The following VPS16 variants were observed in gnomAD, a reference collection of about 807,000 sequenced individuals.
VPS16 encodes VPS16 core subunit of CORVET and HOPS complexes.
Under a neutral mutation model 116.0 loss-of-function variants are expected in VPS16, and 82 were observed. The observed-to-expected ratio is 0.71, with a 90% confidence interval of 0.59 to 0.85. The LOEUF (loss-of-function observed/expected upper bound fraction) is 0.85, where lower values mean the gene tolerates loss of function less well. Among genes scored for constraint, VPS16 ranks in the 40% least tolerant of loss-of-function variants. The pLI is 0.00. For missense variants in VPS16, 928 were observed against 1,090.6 expected (o/e 0.85, Z 2.10); for synonymous variants, 406 against 420.7 (o/e 0.96, Z 0.43).
intron 1 of VPS16, among the ~76,000 whole-genome samples, chr20:2,850,452 C>A (rs2089106907): frequency 6.6e-6 from 1 of 151,962 alleles, no homozygotes. Context: ...GTGGTGAAAC[C>A]CCATCTCTGA....
intron 1 of VPS16, among the ~76,000 whole-genome samples, chr20:2,854,583 C>G (rs1310065754): frequency 6.6e-6 from 1 of 152,008 alleles, no homozygotes; most frequent in Non-Finnish European, 1.5e-5. Flanking sequence ...CACTTGAGGT[C>G]AGGAGTTCGA....
At chr20:2,844,624 T>C (rs1290048770) in intron 1 of VPS16, among the ~76,000 whole-genome samples, 1 of 152,112 alleles carries the variant, frequency 6.6e-6, no homozygotes, top group Non-Finnish European at 1.5e-5. Flanking sequence ...ATAATCACTA[T>C]AAAGAGAGGT....
Position 2,846,789 on chromosome 20 carries a change from GTT to G in VPS16, c.53+5963_53+5964del, listed in dbSNP as rs546057277. Among the ~76,000 whole-genome samples the G allele has an allele frequency of 5.5e-4, 84 of 152,304 alleles. No homozygotes were observed. The South Asian group carries it at 0.014, about 26-fold the overall frequency. The stretch of plus-strand genomic sequence containing the variant: ...CCCAGTAGACCATGCTTCTCCAGCA[GTT>G]CAGCTGCCCTGCCACAGAAATTTCT... On this transcript the variant is annotated intron_variant, in intron 1 of 23. Coordinates refer to ENST00000380445, the MANE Select transcript of VPS16 (RefSeq NM_022575.4).
chr20:2,863,139 G>A lies in VPS16; in HGVS notation c.1367+39G>A, dbSNP rs200069917. On this transcript the variant is annotated intron_variant, in intron 14 of 23. Transcript: ENST00000380445. The surrounding 1 kb of genome is among the most constrained non-coding windows in gnomAD (Gnocchi z 4.4). ...AAGGGTGCAGTGAGCGGGCTGTCAG[G>A]GGGGTGGGCATTACAGCCTTGGGTG... The A allele has an allele frequency of 1.2e-6, 2 of 1,613,474 alleles. No homozygotes were observed. Among genetic ancestry groups the A allele is most frequent in the Non-Finnish European group, 1.7e-6 (2 of 1,179,904 alleles).
At chr20:2,845,561 T>A (rs1289510311) in intron 1 of VPS16, among the ~76,000 whole-genome samples, 1 of 151,832 alleles carries the variant, frequency 6.6e-6, no homozygotes, top group African/African-American at 2.4e-5. Flanking sequence ...GGCACGCACA[T>A]GTAATCCCAG....
At chr20:2,845,475 T>A (rs1260540826) in intron 1 of VPS16, among the ~76,000 whole-genome samples, 5 of 152,134 alleles carry the variant, frequency 3.3e-5, no homozygotes, top group Non-Finnish European at 2.9e-5. Context: ...ATTTAAGTAG[T>A]TATATTTTTG....
intron 10 of VPS16, 41 bp downstream of exon 10, chr20:2,861,940 A>C (rs759722427): frequency 5.0e-5 from 80 of 1,607,238 alleles, no homozygotes; most frequent in Non-Finnish European, 6.7e-5. Flanking sequence ...CAAGGTGGGG[A>C]CTCCTCGGCA....
chr20:2,843,581 A>G lies in VPS16; in HGVS notation c.53+2754A>G, dbSNP rs1482007494. On this transcript the variant is annotated intron_variant, in intron 1 of 23. Transcript: ENST00000380445. ...GCTGACCAAGGTAGCCATGTCATTT[A>G]GTATTTACACACCAGCTAGTTGATA... Among the ~76,000 whole-genome samples, 3 of 152,382 alleles carry G rather than the reference A, an allele frequency of 2.0e-5. No individual in the cohort carries two copies. The East Asian group carries it at 5.8e-4, about 29-fold the overall frequency.
rs1340556720 is a variant in VPS16 at position 2,864,303 on chromosome 20, G to T, written c.1720+16G>T. 5 of 1,613,926 alleles carry T rather than the reference G, an allele frequency of 3.1e-6. No homozygotes were observed. The highest frequency in any genetic ancestry group is 3.3e-5 in the Admixed American group (2 of 59,986). Reference sequence around the variant, plus strand: ...ACTGACCTGGGTGAGGGCAAGGCTGGGGGGCCCCTGGGCTAAGTGGGAGCC... The same window carrying T: ...ACTGACCTGGGTGAGGGCAAGGCTGTGGGGCCCCTGGGCTAAGTGGGAGCC... On this transcript the variant is annotated intron_variant, in intron 17 of 23. Transcript: ENST00000380445. The surrounding 1 kb of genome is among the most constrained non-coding windows in gnomAD (Gnocchi z 5.2).
In VPS16 at chr20:2,850,667, A is replaced by T. The variant is rs542291717; in HGVS notation, c.54-9052A>T. On this transcript the variant is annotated intron_variant, in intron 1 of 23. Coordinates refer to ENST00000380445, the MANE Select transcript of VPS16 (RefSeq NM_022575.4). The stretch of plus-strand genomic sequence containing the variant: ...AAAAGAAAAAAATTATTTAACTGTG[A>T]TAAAGGAGTATATGATATGGTTGGA... 2.6e-5 allele frequency among the ~76,000 whole-genome samples: 4 copies of T among 152,122 alleles called. No homozygotes were observed. In the East Asian group the frequency reaches 5.8e-4, roughly 22 times the overall value.
chr20:2,861,080 A>C lies in VPS16; in HGVS notation c.741A>C (p.Thr247=), dbSNP rs771109557. The change falls in exon 7 of 24, where the codon ACA becomes ACC. Residue 247 remains threonine (T), a synonymous_variant. Coordinates refer to ENST00000380445, the MANE Select transcript of VPS16 (RefSeq NM_022575.4). ...ACACAGGCTACATCTGGATGGGGAC[A>C]GCATCACTCAAGGTATGATCCTGGG... ...FTDTGYIWMG[T]ASLKEKLCEF... 5.6e-6 allele frequency: 9 copies of C among 1,614,228 alleles called. No homozygotes were observed. The South Asian group carries it at 9.9e-5, about 18-fold the overall frequency.
intron 1 of VPS16, 52 bp downstream of exon 1, chr20:2,840,879 C>T: frequency 6.6e-7 from 1 of 1,513,842 alleles, no homozygotes; most frequent in South Asian, 1.2e-5. Flanking sequence ...GCTCGCCCGC[C>T]GGCTGGAGTC....
At chr20:2,852,421 A>G (rs1346239980) in intron 1 of VPS16, among the ~76,000 whole-genome samples, 1 of 152,190 alleles carries the variant, frequency 6.6e-6, no homozygotes, top group Non-Finnish European at 1.5e-5. Flanking sequence ...GATAACTGGC[A>G]TGCTAGATTT....
rs1178071835 is a variant in VPS16, at chr20:2,862,716, C to T, written c.1203+6C>T. ...TGCAGAAGAGTCTGCTCAGGGTTGG[C>T]CTGGATGGCCGGGCCGGGGAGGGTG... is the stretch of plus-strand genomic sequence containing the variant. On this transcript the variant is annotated splice_donor_region_variant and intron_variant, in intron 12 of 23. Coordinates refer to ENST00000380445, the MANE Select transcript of VPS16 (RefSeq NM_022575.4). The T allele has an allele frequency of 7.2e-7, 1 of 1,397,902 alleles. No homozygotes were observed. The highest frequency in any genetic ancestry group is 9.6e-7 in the Non-Finnish European group (1 of 1,046,312). 86.6% of individuals were successfully genotyped at this position (1,397,902 alleles called of 1,614,324 possible).
intron 1 of VPS16, among the ~76,000 whole-genome samples, chr20:2,854,266 A>ACACACACACACACAC (rs1568624871): frequency 1.6e-5 from 1 of 61,970 alleles, no homozygotes; most frequent in African/African-American, 1.6e-4. Flanking sequence ...CACACACACA[A>ACACACACACACACAC]ATTTTTTAGC....
At position 2,863,485 on chromosome 20, in the gene VPS16, G is replaced by A. The variant is rs2089267269; in HGVS notation, c.1476+87G>A. On this transcript the variant is annotated intron_variant, in intron 15 of 23. Transcript: ENST00000380445. The surrounding 1 kb of genome is among the most constrained non-coding windows in gnomAD (Gnocchi z 4.4). The stretch of plus-strand genomic sequence containing the variant: ...GAAATAGAAAGTGTAGAACTGCGCT[G>A]GGCACGGTGGCTCATGCCTGTAATC... 2 of 1,350,130 alleles carry A rather than the reference G, an allele frequency of 1.5e-6. No homozygotes were observed. Among genetic ancestry groups the A allele is most frequent in the East Asian group, 2.3e-5 (1 of 42,990 alleles). 83.6% of individuals were successfully genotyped at this position (1,350,130 alleles called of 1,614,324 possible).
rs2089268131 is a variant in VPS16, at chr20:2,863,517, CTT to C, written c.1476+121_1476+122del. 1.0e-6 allele frequency: 1 copy of C among 996,046 alleles called. No homozygotes were observed. Among genetic ancestry groups the C allele is most frequent in the Non-Finnish European group, 1.5e-6 (1 of 667,810 alleles). 61.7% of individuals were successfully genotyped at this position (996,046 alleles called of 1,614,324 possible). ...GTGGCTCATGCCTGTAATCCCAACA[CTT>C]TGGGAGGCTGAGGCGGGCGAATCAC... On this transcript the variant is annotated intron_variant, in intron 15 of 23. Coordinates refer to ENST00000380445, the MANE Select transcript of VPS16 (RefSeq NM_022575.4). This position sits in a 1 kb window ranked among gnomAD's most constrained non-coding sequence, Gnocchi z 4.4.
rs2089300239 is a variant in VPS16, at chr20:2,864,785, G to C, written c.1926+131G>C. The C allele has an allele frequency of 8.5e-7, 1 of 1,173,610 alleles. No homozygotes were observed. The highest frequency in any genetic ancestry group is 1.9e-5 in the Admixed American group (1 of 51,328). The allele number at this position is 1,173,610 out of a possible 1,614,324, so 72.7% of individuals were successfully genotyped here. On this transcript the variant is annotated intron_variant, in intron 19 of 23. Coordinates refer to ENST00000380445, the MANE Select transcript of VPS16 (RefSeq NM_022575.4). This position sits in a 1 kb window ranked among gnomAD's most constrained non-coding sequence, Gnocchi z 5.2. ...TGGTCCTCACTGTGAGGGAGACTCT[G>C]ACGTGAGGCCAGGATGGGGGTTAGT...
chr20:2,856,481 C>A (rs2089173010), intron 1 of VPS16, among the ~76,000 whole-genome samples: 1 of 152,210 alleles, frequency 6.6e-6, no homozygotes, highest in African/African-American at 2.4e-5. Flanking sequence ...AGTGTTGCCA[C>A]AAACCTTCAA....
Sources: gnomAD v4.1 joint callset for allele counts (sites outside exome capture counted in the v4.1 genomes callset) on GRCh38, gnomAD v4.1.1 for gene constraint, Gnocchi (gnomAD v3.1) non-coding constraint, MANE v1.5 for transcripts, NCBI Gene and HGNC (gene_info 2026-07-23, HGNC 2026-07-21) for gene names.